SAV1: variants seen among roughly 807,000 people sequenced by gnomAD.
SAV1 encodes the protein salvador family WW domain containing protein 1, also known as protein salvador homolog 1.
In SAV1, 23 loss-of-function variants were observed where a neutral mutation model predicts 47.3. That is an observed-to-expected ratio of 0.49 (90% CI 0.35 to 0.69). The LOEUF (loss-of-function observed/expected upper bound fraction) is 0.69. SAV1 is among the 30% of genes least tolerant of loss of function. The pLI is 0.01. For synonymous variants in SAV1, 155 were observed against 159.2 expected (o/e 0.97, Z 0.20); for missense variants, 448 against 457.4 (o/e 0.98, Z 0.19).
intron 2 of SAV1, among the ~76,000 whole-genome samples, chr14:50,662,020 G>A (rs2039864181): frequency 6.6e-6 from 1 of 152,102 alleles, no homozygotes; most frequent in Admixed American, 6.6e-5. Flanking sequence ...TATTTTAATA[G>A]GGATTGCATT....
At chr14:50,635,437 T>TGTG in intron 4 of SAV1, 53 bp from the exon 5 acceptor site, 2 of 1,374,084 alleles carry the variant, frequency 1.5e-6, no homozygotes, top group Non-Finnish European at 2.0e-6. Flanking sequence ...TAAACATGTA[T>TGTG]TTCTAGCAAG....
intron 2 of SAV1, among the ~76,000 whole-genome samples, chr14:50,645,216 T>C (rs1161208498): frequency 6.6e-6 from 1 of 152,122 alleles, no homozygotes; most frequent in Admixed American, 6.6e-5. Context: ...AACTAGACTT[T>C]GAAATTAGTA....
chr14:50,666,290 A>G (rs1359414660), intron 1 of SAV1, among the ~76,000 whole-genome samples: 1 of 152,236 alleles, frequency 6.6e-6, no homozygotes, highest in Non-Finnish European at 1.5e-5. Context: ...GCCTGAAACT[A>G]TGTAATTATA....
intron 3 of SAV1, among the ~76,000 whole-genome samples, chr14:50,643,463 T>A (rs2039697084): frequency 6.6e-6 from 1 of 152,138 alleles, no homozygotes; most frequent in South Asian, 2.1e-4. Flanking sequence ...TCAGATCTCA[T>A]GAGAACTCAC....
In SAV1 at chr14:50,634,258, T is replaced by A. The variant is rs1182222589; in HGVS notation, c.*925A>T. ...GCTAAGTATTCCTGCTTATATGTATTCCTGAAAGATTAAAAGGCCCGTCAC... is the reference window on the plus strand; with the variant it reads ...GCTAAGTATTCCTGCTTATATGTATACCTGAAAGATTAAAAGGCCCGTCAC... On this transcript the variant is annotated 3_prime_UTR_variant, in exon 5 of 5. Coordinates refer to ENST00000324679, the MANE Select transcript of SAV1 (RefSeq NM_021818.4). 2.4e-6 allele frequency: 1 copy of A among 415,388 alleles called. No homozygotes were observed. Among genetic ancestry groups the A allele is most frequent in the East Asian group, 7.4e-5 (1 of 13,548 alleles). The allele number at this position is 415,388 out of a possible 1,614,324, so 25.7% of individuals were successfully genotyped here.
intron 4 of SAV1, among the ~76,000 whole-genome samples, chr14:50,639,714 T>C (rs1190528723): frequency 6.6e-6 from 1 of 152,222 alleles, no homozygotes; most frequent in East Asian, 1.9e-4. Context: ...GGAAAGATTA[T>C]GCTATTTCTT....
intron 2 of SAV1, among the ~76,000 whole-genome samples, chr14:50,655,658 T>G (rs1205808049): frequency 6.6e-6 from 1 of 151,504 alleles, no homozygotes; most frequent in Non-Finnish European, 1.5e-5. Context: ...ACTCCTGACC[T>G]TAGGTGATCC....
At chr14:50,667,356 T>C (rs1194855943) in intron 1 of SAV1, 3 of 452,740 alleles carry the variant, frequency 6.6e-6, no homozygotes, top group Non-Finnish European at 1.3e-5. Context: ...GGGTGGCGGC[T>C]ACAAGAACGA....
intron 2 of SAV1, among the ~76,000 whole-genome samples, chr14:50,646,085 T>C (rs541327675): frequency 1.3e-5 from 2 of 152,290 alleles, no homozygotes; most frequent in African/African-American, 2.4e-5. Context: ...CCCTTATCCA[T>C]GGGGGATCCA....
chr14:50,657,049 C>T (rs1426673874), intron 2 of SAV1, among the ~76,000 whole-genome samples: 6 of 123,864 alleles, frequency 4.8e-5, no homozygotes, highest in South Asian at 2.5e-4. Flanking sequence ...TTTTTTGAGA[C>T]GGAGTCTCAC....
intron 4 of SAV1, among the ~76,000 whole-genome samples, chr14:50,639,841 A>G (rs2039667266): frequency 6.6e-6 from 1 of 152,236 alleles, no homozygotes; most frequent in South Asian, 2.1e-4. Flanking sequence ...TCCAGATTTA[A>G]GGAAAATAAA....
chr14:50,640,880 C>T lies in SAV1; in HGVS notation c.820G>A (p.Asp274Asn), dbSNP rs2039676159. 6.2e-7 allele frequency: 1 copy of T among 1,611,918 alleles called. No homozygotes were observed. Among genetic ancestry groups the T allele is most frequent in the African/African-American group, 1.3e-5 (1 of 74,850 alleles). Residue 274 changes from aspartate to asparagine, a missense_variant, in exon 4 of 5, where the codon GAT becomes AAT. Asp to Asn is a conservative substitution (Grantham distance 23, BLOSUM62 1). Coordinates refer to ENST00000324679, the MANE Select transcript of SAV1 (RefSeq NM_021818.4). ...HPCAPSVPRY[D>N]QPPPVTYQPQ... ...TGGTATGTGACAGGAGGTGGTTGAT[C>T]ATACCGAGGTACACTAAGAAGAAAG...
chr14:50,655,792 G>A (rs2039807311), intron 2 of SAV1, among the ~76,000 whole-genome samples: 1 of 151,986 alleles, frequency 6.6e-6, no homozygotes, highest in South Asian at 2.1e-4. Context: ...TCATGCCTGT[G>A]ATCCCAGCAC....
At chr14:50,650,187 T>C (rs2039755630) in intron 2 of SAV1, among the ~76,000 whole-genome samples, 1 of 152,226 alleles carries the variant, frequency 6.6e-6, no homozygotes, top group Non-Finnish European at 1.5e-5. Context: ...TTTATTTAAA[T>C]ACAACATACA....
chr14:50,640,946 A>G, intron 3 of SAV1, 53 bp from the exon 4 acceptor site: 1 of 1,500,870 alleles, frequency 6.7e-7, no homozygotes. Flanking sequence ...AATCTAAACA[A>G]GAAATTATAA....
intron 2 of SAV1, among the ~76,000 whole-genome samples, chr14:50,652,469 A>G (rs2039777408): frequency 6.6e-6 from 1 of 152,340 alleles, no homozygotes; most frequent in African/African-American, 2.4e-5. Context: ...AGAATGGTTG[A>G]GTACAGGACT....
chr14:50,656,904 T>C (rs1476064532), intron 2 of SAV1, among the ~76,000 whole-genome samples: 2 of 151,552 alleles, frequency 1.3e-5, no homozygotes, highest in East Asian at 1.9e-4. Flanking sequence ...GATTAAAAAA[T>C]AAAAAAGCTA....
At chr14:50,649,626 T>G (rs1007301520) in intron 2 of SAV1, among the ~76,000 whole-genome samples, 2 of 152,228 alleles carry the variant, frequency 1.3e-5, no homozygotes, top group Non-Finnish European at 2.9e-5. Context: ...TACAGATGTA[T>G]TATCATTGCT....
chr14:50,637,553 A>T (rs1416113082), intron 4 of SAV1: 1 of 152,174 alleles, frequency 6.6e-6, no homozygotes, highest in African/African-American at 2.4e-5. Context: ...GAAAACAAAG[A>T]ACAAAAATAA....
Sources: gnomAD v4.1 joint callset for allele counts (sites outside exome capture counted in the v4.1 genomes callset) on GRCh38, gnomAD v4.1.1 for gene constraint, MANE v1.5 for transcripts, NCBI Gene and HGNC (gene_info 2026-07-23, HGNC 2026-07-21) for gene names.